Variants in NBPF26 observed in about 807,000 individuals in gnomAD.
NBPF26 encodes the protein NBPF family member NBPF26.
Under a neutral mutation model 119.6 loss-of-function variants are expected in NBPF26, and 79 were observed. That is an observed-to-expected ratio of 0.66 (90% confidence interval 0.55 to 0.80). The LOEUF (loss-of-function observed/expected upper bound fraction) is 0.80, where lower values mean the gene tolerates loss of function less well. NBPF26 is among the 30% of genes least tolerant of loss of function. NBPF26 has a pLI of 0.00. For missense variants in NBPF26, 800 were observed against 1,198.2 expected, an observed-to-expected ratio of 0.67 and a Z score of 4.91; for synonymous variants, 299 against 457.7, an observed-to-expected ratio of 0.65 and a Z score of 4.43.
In NBPF26 at chr1:120,724,694, C is replaced by A. The variant is rs1244780634; in HGVS notation, c.73+444C>A. Among the ~76,000 whole-genome samples the A allele has an allele frequency of 4.8e-5, 6 of 124,740 alleles. 1 individual carries two copies. The highest frequency in any genetic ancestry group is 8.1e-5 in the Non-Finnish European group (5 of 61,518). 81.8% of individuals were successfully genotyped at this position (124,740 alleles called of 152,430 possible). A position where few individuals can be genotyped will look rare whatever the true frequency, so the allele number is the denominator to read the frequency against. Reference sequence around the variant, plus strand: ...GGGGCAGGGCCGCCAAGCCAAACGGCCTGCAGCTTCGCAGCCAGCCTCGCC... The same window carrying A: ...GGGGCAGGGCCGCCAAGCCAAACGGACTGCAGCTTCGCAGCCAGCCTCGCC... On this transcript the variant is annotated intron_variant, in intron 1 of 29. Transcript: ENST00000620612.
chr1:120,790,174 C>A (rs1651468590), intron 3 of NBPF26, among the ~76,000 whole-genome samples: 1 of 102,646 alleles, frequency 9.7e-6, no homozygotes. Flanking sequence ...TACCGCCATG[C>A]CCGGCTAATT....
Position 120,802,449 on chromosome 1 carries a change from A to T in NBPF26, c.752-3107A>T, listed in dbSNP as rs2101483155. Among the ~76,000 whole-genome samples, 2 of 126,514 alleles carry T rather than the reference A, an allele frequency of 1.6e-5. 1 individual carries two copies. The highest frequency in any genetic ancestry group is 3.2e-5 in the Non-Finnish European group (2 of 61,650). 83.0% of individuals were successfully genotyped at this position (126,514 alleles called of 152,430 possible). ...TTGAGTGAACCTAGAAGTAAAGGAG[A>T]TCTGGCTTGCTGGACTCCATTTGAA... On this transcript the variant is annotated intron_variant, in intron 4 of 29. Transcript: ENST00000620612.
At chr1:120,817,805 C>T (rs1237665239) in intron 14 of NBPF26, among the ~76,000 whole-genome samples, 1 of 99,998 alleles carries the variant, frequency 1.0e-5, no homozygotes, top group African/African-American at 6.7e-5. Context: ...AAGTCCATAT[C>T]GCAGCAACAC....
rs1299553815 is a variant in NBPF26, at chr1:120,781,713, G to A, written c.156-3261G>A. On this transcript the variant is annotated intron_variant, in intron 2 of 29. Coordinates refer to ENST00000620612, the Ensembl canonical transcript of NBPF26. ...CGAGTAGCTGGGACTACAGGCGCCT[G>A]CCACCACGCCTGGCTAATTTTTTAT... Among the ~76,000 whole-genome samples, 66 of 100,100 alleles carry A rather than the reference G, an allele frequency of 6.6e-4. 8 individuals are homozygous for A. The East Asian group carries it at 7.8e-3, about 12-fold the overall frequency. 65.7% of individuals were successfully genotyped at this position (100,100 alleles called of 152,430 possible).
rs1310545040 is a variant in NBPF26 at position 120,806,903 on chromosome 1, TC to T, written c.962-702del. On this transcript the variant is annotated intron_variant, in intron 5 of 29. Transcript: ENST00000620612. ...TTACATGAGGTATTTCCTGTCAATC[TC>T]CTTGAACATTAATTGGCACAGTGTA... Among the ~76,000 whole-genome samples the T allele has an allele frequency of 5.6e-5, 7 of 125,620 alleles. 1 individual carries two copies. The highest frequency in any genetic ancestry group is 2.6e-4 in the African/African-American group (7 of 26,642). The allele number at this position is 125,620 out of a possible 152,430, so 82.4% of individuals were successfully genotyped here. A position where few individuals can be genotyped will look rare whatever the true frequency, so the allele number is the denominator to read the frequency against.
At chr1:120,768,624 A>G (rs1411738413) in intron 2 of NBPF26, among the ~76,000 whole-genome samples, 2 of 109,302 alleles carry the variant, frequency 1.8e-5, no homozygotes, top group East Asian at 4.5e-4. Flanking sequence ...AAAAAACAAA[A>G]CTGTAAATGT....
In NBPF26 at chr1:120,764,133, G is replaced by A. The variant is rs1273636452; in HGVS notation, c.155+424G>A. On this transcript the variant is annotated intron_variant, in intron 2 of 29. Transcript: ENST00000620612. ...GTGGTGGCGCATGACTGGAGTCCCA[G>A]CTACTCGGGAGGCTGAGGCAGGAGA... 3.6e-5 allele frequency among the ~76,000 whole-genome samples: 4 copies of A among 112,124 alleles called. 1 individual carries two copies. Among genetic ancestry groups the A allele is most frequent in the Non-Finnish European group, 6.8e-5 (4 of 58,440 alleles). The allele number at this position is 112,124 out of a possible 152,430, so 73.6% of individuals were successfully genotyped here. A position where few individuals can be genotyped will look rare whatever the true frequency, so the allele number is the denominator to read the frequency against.
In NBPF26 at chr1:120,810,677, G is replaced by C. The variant is rs1651839635; in HGVS notation, c.1564+119G>C. 4.8e-6 allele frequency: 6 copies of C among 1,245,378 alleles called. 1 individual carries two copies. Among genetic ancestry groups the C allele is most frequent in the Admixed American group, 4.0e-5 (2 of 49,998 alleles). The allele number at this position is 1,245,378 out of a possible 1,614,324, so 77.1% of individuals were successfully genotyped here. A position where few individuals can be genotyped will look rare whatever the true frequency, so the allele number is the denominator to read the frequency against. On this transcript the variant is annotated intron_variant, in intron 9 of 29. Coordinates refer to ENST00000620612, the Ensembl canonical transcript of NBPF26. ...TTAGTCAGAAACTGGGATGGAGCTAGGTGCTGTGACTCACACATATAATCA... is the reference window on the plus strand; with the variant it reads ...TTAGTCAGAAACTGGGATGGAGCTACGTGCTGTGACTCACACATATAATCA...
At chr1:120,801,521 TAAA>T (rs1193360933) in intron 4 of NBPF26, among the ~76,000 whole-genome samples, 2 of 61,064 alleles carry the variant, frequency 3.3e-5, no homozygotes, top group Non-Finnish European at 5.7e-5. Flanking sequence ...GTATTTTCAT[TAAA>T]AAAAAAAAAA....
chr1:120,756,063 T>C (rs1400699189), intron 1 of NBPF26, among the ~76,000 whole-genome samples: 1 of 114,872 alleles, frequency 8.7e-6, no homozygotes, highest in Non-Finnish European at 1.6e-5. Context: ...TTCTGTTTGT[T>C]TGGATTTTTT....
downstream of NBPF26, among the ~76,000 whole-genome samples, chr1:120,842,226 CT>C (rs1231865432): frequency 8.8e-6 from 1 of 113,900 alleles, no homozygotes; most frequent in Non-Finnish European, 1.7e-5. Context: ...TGTTTATTTT[CT>C]AATCTCTTCC....
rs1378436313 is a variant in NBPF26 at position 120,763,849 on chromosome 1, G to A, written c.155+140G>A. The A allele has an allele frequency of 8.2e-6, 4 of 490,376 alleles. No individual in the cohort carries two copies. The Admixed American group carries it at 1.3e-4, about 16-fold the overall frequency. The allele number at this position is 490,376 out of a possible 1,614,324, so 30.4% of individuals were successfully genotyped here. On this transcript the variant is annotated intron_variant, in intron 2 of 29. Coordinates refer to ENST00000620612, the Ensembl canonical transcript of NBPF26. ...GGTACAGATTTTGGTTGGGGGTGAG[G>A]ATGGAAGGATGTGGATGCCAGATAA...
chr1:120,759,225 A>G, intron 1 of NBPF26, among the ~76,000 whole-genome samples: 1 of 59,164 alleles, frequency 1.7e-5, no homozygotes, highest in African/African-American at 1.6e-4. Flanking sequence ...TTATATTGCC[A>G]AATGATGGAG....
At chr1:120,765,724 C>T (rs1651183806) in intron 2 of NBPF26, among the ~76,000 whole-genome samples, 1 of 115,870 alleles carries the variant, frequency 8.6e-6, no homozygotes, top group Non-Finnish European at 1.8e-5. Context: ...AGACTTGGAA[C>T]CAACCCAAAT....
In NBPF26 at chr1:120,780,107, G is replaced by A. The variant is rs1419126734; in HGVS notation, c.156-4867G>A. Among the ~76,000 whole-genome samples, 9 of 123,428 alleles carry A rather than the reference G, an allele frequency of 7.3e-5. 2 individuals carry two copies. Among genetic ancestry groups the A allele is most frequent in the Non-Finnish European group, 8.2e-5 (5 of 61,346 alleles). 81.0% of individuals were successfully genotyped at this position (123,428 alleles called of 152,430 possible). On this transcript the variant is annotated intron_variant, in intron 2 of 29. Coordinates refer to ENST00000620612, the Ensembl canonical transcript of NBPF26. ...GACTTTATCCATCACATGAAATTTA[G>A]CCTGCTATGGAACCAGCTGCTTAGT...
chr1:120,805,175 A>T lies in NBPF26; in HGVS notation c.752-381A>T, dbSNP rs1270893033. Among the ~76,000 whole-genome samples the T allele has an allele frequency of 1.7e-5, 2 of 118,858 alleles. 1 individual carries two copies. The highest frequency in any genetic ancestry group is 3.3e-5 in the Non-Finnish European group (2 of 61,446). The allele number at this position is 118,858 out of a possible 152,430, so 78.0% of individuals were successfully genotyped here. On this transcript the variant is annotated intron_variant, in intron 4 of 29. Transcript: ENST00000620612. ...AGTGAATGCTGAAGGAATGATCCCC[A>T]TTGGTGGTGACCCTCAGGTGAGACT...
chr1:120,805,780 C>T lies in NBPF26; in HGVS notation c.961+15C>T. 1.5e-6 allele frequency: 2 copies of T among 1,353,222 alleles called. No homozygotes were observed. The highest frequency in any genetic ancestry group is 1.9e-5 in the Admixed American group (1 of 53,784). 83.8% of individuals were successfully genotyped at this position (1,353,222 alleles called of 1,614,324 possible). A position where few individuals can be genotyped will look rare whatever the true frequency, so the allele number is the denominator to read the frequency against. On this transcript the variant is annotated intron_variant, in intron 5 of 29. Transcript: ENST00000620612. ...GAAGAAATACAGTAAGATCTATAGG[C>T]TCACCATCATGAAAGTGATGAATGA...
chr1:120,823,596 A>G (rs1412919692), intron 17 of NBPF26, among the ~76,000 whole-genome samples: 1 of 123,666 alleles, frequency 8.1e-6, no homozygotes, highest in South Asian at 2.4e-4. Flanking sequence ...CTGTATTCTC[A>G]TGGTAACTGC....
Position 120,733,115 on chromosome 1 carries a change from A to T in NBPF26, c.73+8865A>T, listed in dbSNP as rs1341425126. Among the ~76,000 whole-genome samples, 13 of 88,272 alleles carry T rather than the reference A, an allele frequency of 1.5e-4. 3 individuals are homozygous for T. Among genetic ancestry groups the T allele is most frequent in the African/African-American group, 4.9e-4 (6 of 12,190 alleles). The allele number at this position is 88,272 out of a possible 152,430, so 57.9% of individuals were successfully genotyped here. ...TTAGAAAAGCTGTTGATTTATTTTT[A>T]TATATATATATATATATGTTTAGTT... On this transcript the variant is annotated intron_variant, in intron 1 of 29. Coordinates refer to ENST00000620612, the Ensembl canonical transcript of NBPF26.
Sources: gnomAD v4.1 joint callset for allele counts (sites outside exome capture counted in the v4.1 genomes callset) on GRCh38, gnomAD v4.1.1 for gene constraint, MANE v1.5 for transcripts, NCBI Gene and HGNC (gene_info 2026-07-23, HGNC 2026-07-21) for gene names.